Variants in SPDYE13 observed in about 807,000 individuals in gnomAD.
SPDYE13 encodes speedy/RINGO cell cycle regulator family member E13, pseudogene.
At chr7:75,287,021 TG>T in intron 5 of SPDYE13, 40 bp from the exon 6 acceptor site, 1 of 177,098 alleles carries the variant, frequency 5.6e-6, no homozygotes, top group Non-Finnish European at 7.7e-6. Context: ...AGGGGTATCC[TG>T]GGGAGTCCCC....
Sources: gnomAD v4.1 joint callset for allele counts on GRCh38, gnomAD v4.1.1 for gene constraint, MANE v1.5 for transcripts, NCBI Gene and HGNC (gene_info 2026-07-23, HGNC 2026-07-21) for gene names.